N4BP2L2: variants seen among roughly 807,000 people sequenced by gnomAD.
N4BP2L2 encodes the protein NEDD4 binding protein 2 like 2.
A neutral mutation model predicts 56.2 loss-of-function variants in N4BP2L2; 50 were observed. That is an observed-to-expected ratio of 0.89 (90% confidence interval 0.71 to 1.13). The LOEUF is 1.13. N4BP2L2 is among the 50% of genes most tolerant of loss of function. The pLI is 0.00. For synonymous variants in N4BP2L2, 203 were observed against 223.6 expected (o/e 0.91, Z 0.82); for missense variants, 689 against 693.8 (o/e 0.99, Z 0.08).
chr13:32,444,129 G>A (rs1296587797), intron 6 of N4BP2L2: 1 of 1,480,076 alleles, frequency 6.8e-7, no homozygotes, highest in Non-Finnish European at 9.0e-7. Flanking sequence ...CTCTTTCTCT[G>A]AAATATTAAA....
intron 6 of N4BP2L2, among the ~76,000 whole-genome samples, chr13:32,444,578 A>G (rs529976800): frequency 1.3e-4 from 20 of 152,354 alleles, no homozygotes; most frequent in African/African-American, 4.6e-4. Context: ...ACTTTGTACT[A>G]TATTTAAAAT....
At chr13:32,529,751 A>G (rs2054134439) in intron 2 of N4BP2L2, among the ~76,000 whole-genome samples, 1 of 149,200 alleles carries the variant, frequency 6.7e-6, no homozygotes, top group African/African-American at 2.5e-5. Context: ...TTTAGACAAG[A>G]GTCCGACTCT....
At chr13:32,505,592 A>T (rs1224427737), downstream of N4BP2L2, 1 of 152,194 alleles carries the variant, frequency 6.6e-6, no homozygotes, top group East Asian at 1.9e-4. Context: ...ATTGCTTAGA[A>T]ATCTCAGCTA....
At chr13:32,452,294 C>T (rs2138506941) in intron 6 of N4BP2L2, among the ~76,000 whole-genome samples, 1 of 152,222 alleles carries the variant, frequency 6.6e-6, no homozygotes, top group African/African-American at 2.4e-5. Context: ...CTCCCGACCT[C>T]AGGTGATCCG....
chr13:32,501,914 C>T (rs932095279), intron 6 of N4BP2L2, among the ~76,000 whole-genome samples: 1 of 151,822 alleles, frequency 6.6e-6, no homozygotes, highest in Admixed American at 6.6e-5. Context: ...GAAAACCTTG[C>T]CAGTATTCAT....
At chr13:32,493,171 C>A (rs140628942) in intron 6 of N4BP2L2, among the ~76,000 whole-genome samples, 89 of 151,960 alleles carry the variant, frequency 5.9e-4, no homozygotes, top group African/African-American at 2.0e-3. Flanking sequence ...GTGATCCACC[C>A]GCCTCAGCCT....
At chr13:32,477,805 C>T in intron 6 of N4BP2L2, 1 of 1,199,130 alleles carries the variant, frequency 8.3e-7, no homozygotes, top group African/African-American at 1.6e-5. Flanking sequence ...AGGTATACAG[C>T]TGAGAAATAC....
intron 2 of N4BP2L2, among the ~76,000 whole-genome samples, chr13:32,533,448 T>C (rs1299900951): frequency 6.6e-6 from 1 of 151,198 alleles, no homozygotes; most frequent in Non-Finnish European, 1.5e-5. Flanking sequence ...GAACACTACC[T>C]CCAAAGAATA....
downstream of N4BP2L2, chr13:32,508,611 A>T (rs975746568): frequency 3.9e-5 from 6 of 152,220 alleles, no homozygotes; most frequent in Non-Finnish European, 5.9e-5. Context: ...TAACTGAAAG[A>T]AAGTTACTGA....
intron 6 of N4BP2L2, among the ~76,000 whole-genome samples, chr13:32,459,310 C>CA (rs2079561766): frequency 6.6e-6 from 1 of 151,046 alleles, no homozygotes; most frequent in Admixed American, 6.6e-5. Context: ...AAACAGAGAT[C>CA]AAAAAAAGAC....
At chr13:32,528,052 G>A (rs2053592666) in intron 2 of N4BP2L2, among the ~76,000 whole-genome samples, 1 of 152,184 alleles carries the variant, frequency 6.6e-6, no homozygotes, top group Admixed American at 6.5e-5. Context: ...TTACAGGCAT[G>A]AGCCACCGTG....
intron 6 of N4BP2L2, among the ~76,000 whole-genome samples, chr13:32,473,337 T>G (rs1593669934): frequency 1.3e-5 from 2 of 152,000 alleles, no homozygotes; most frequent in African/African-American, 4.8e-5. Context: ...TTTGATAGGT[T>G]AAATCAAATA....
intron 6 of N4BP2L2, among the ~76,000 whole-genome samples, chr13:32,446,719 T>A (rs537461387): frequency 1.5e-4 from 23 of 152,292 alleles, no homozygotes; most frequent in Non-Finnish European, 2.2e-4. Context: ...AAAATGTTTA[T>A]AATTCCATAT....
At chr13:32,519,504 A>T (rs2139976294) in intron 5 of N4BP2L2, among the ~76,000 whole-genome samples, 1 of 152,254 alleles carries the variant, frequency 6.6e-6, no homozygotes, top group Non-Finnish European at 1.5e-5. Flanking sequence ...AAAAATACAA[A>T]AAATAGCCAG....
At chr13:32,469,092 C>T (rs144549340) in intron 6 of N4BP2L2, among the ~76,000 whole-genome samples, 201 of 152,352 alleles carry the variant, frequency 1.3e-3, no homozygotes, top group African/African-American at 4.5e-3. Context: ...TACGGTCCCC[C>T]GAGTGTTCTT....
chr13:32,479,570 T>C (rs1444612746), intron 6 of N4BP2L2, among the ~76,000 whole-genome samples: 1 of 151,516 alleles, frequency 6.6e-6, no homozygotes, highest in East Asian at 1.9e-4. Flanking sequence ...TGTGAGCCAC[T>C]GCGCCCCGCC....
chr13:32,519,583 G>A (rs891537453), intron 5 of N4BP2L2, among the ~76,000 whole-genome samples: 5 of 152,140 alleles, frequency 3.3e-5, no homozygotes, highest in Admixed American at 1.3e-4. Context: ...TTGAACCTGG[G>A]AGGCAGAAGT....
chr13:32,443,312 A>G (rs769710373), exon 7 of N4BP2L2: 8 of 1,613,892 alleles, frequency 5.0e-6, no homozygotes, highest in South Asian at 2.2e-5. Flanking sequence ...GGACCAGCCA[A>G]CTTACATGCT....
At chr13:32,442,941 T>C (rs369098619) in exon 7 of N4BP2L2, 50 of 1,613,138 alleles carry the variant, frequency 3.1e-5, no homozygotes, top group Non-Finnish European at 4.2e-5. Flanking sequence ...AAATTCTATC[T>C]TTTTCTTCTC....
Sources: allele counts gnomAD v4.1 joint callset (sites outside exome capture counted in the v4.1 genomes callset), GRCh38; gene constraint gnomAD v4.1.1; transcripts MANE v1.5; gene names NCBI Gene and HGNC (gene_info 2026-07-23, HGNC 2026-07-21).